The following SLC9A9 variants were observed in gnomAD, a reference collection of about 807,000 sequenced individuals.
SLC9A9 encodes sodium/hydrogen exchanger 9.
In SLC9A9, 62 loss-of-function variants were observed where a neutral mutation model predicts 77.8. The observed-to-expected ratio is 0.80, with a 90% CI of 0.65 to 0.98. The LOEUF is 0.98. SLC9A9 is among the 50% of genes least tolerant of loss of function. SLC9A9 has a pLI of 0.00. For missense variants in SLC9A9, 775 were observed against 774.9 expected (o/e 1.00, Z 0.00); for synonymous variants, 320 against 283.5 (o/e 1.13, Z -1.29).
intron 14 of SLC9A9, among the ~76,000 whole-genome samples, chr3:143,352,874 C>T (rs2032496443): frequency 6.6e-6 from 1 of 152,178 alleles, no homozygotes; most frequent in South Asian, 2.1e-4. Flanking sequence ...AGATCAGCTT[C>T]CATACAGCCA....
chr3:143,700,728 G>T (rs1025118950), intron 4 of SLC9A9, among the ~76,000 whole-genome samples: 72 of 152,210 alleles, frequency 4.7e-4, no homozygotes, highest in Admixed American at 4.7e-3. Context: ...CACATCCAGG[G>T]CTTAGGGGAA....
At chr3:143,633,566 G>T (rs2038463853) in intron 6 of SLC9A9, among the ~76,000 whole-genome samples, 1 of 151,618 alleles carries the variant, frequency 6.6e-6, no homozygotes, top group Non-Finnish European at 1.5e-5. Flanking sequence ...ACATTTTTTT[G>T]TTATTACAAT....
chr3:143,550,703 G>A (rs1477319038), intron 9 of SLC9A9, among the ~76,000 whole-genome samples: 2 of 152,180 alleles, frequency 1.3e-5, no homozygotes, highest in East Asian at 3.8e-4. Flanking sequence ...CGATAAAAAT[G>A]GCTGAAGCTT....
At chr3:143,406,959 G>A (rs2033993575) in intron 12 of SLC9A9, among the ~76,000 whole-genome samples, 2 of 124,740 alleles carry the variant, frequency 1.6e-5, no homozygotes, top group Middle Eastern at 0.013. Flanking sequence ...CTGGGCAACA[G>A]AGTGAAACTC....
rs374165867 is a variant in SLC9A9 at position 143,608,845 on chromosome 3, G to C, written c.756-30122C>G. On this transcript the variant is annotated intron_variant, in intron 6 of 15. Transcript: ENST00000316549. ...AATAGGGAGGAACAGGACTATGGCT[G>C]TTGCTATATTTTATTCTTTTAAAAA... 9.0e-4 allele frequency among the ~76,000 whole-genome samples: 137 copies of C among 152,260 alleles called. 4 individuals carry two copies. The South Asian group carries it at 0.028, about 31-fold the overall frequency.
rs189467674 is a variant in SLC9A9, at chr3:143,380,938, C to T, written c.1524+1122G>A. ...GAGGGATTCCCTTAGAATACAAATA[C>T]GCTCATAACACAATTCATTAAGCAA... On this transcript the variant is annotated intron_variant, in intron 13 of 15. Transcript: ENST00000316549. Among the ~76,000 whole-genome samples, 40 of 152,294 alleles carry T rather than the reference C, an allele frequency of 2.6e-4. 1 individual carries two copies. The Middle Eastern group carries it at 0.02, about 78-fold the overall frequency.
chr3:143,362,223 A>G (rs1036134414), intron 14 of SLC9A9, among the ~76,000 whole-genome samples: 5 of 152,202 alleles, frequency 3.3e-5, no homozygotes, highest in African/African-American at 1.2e-4. Flanking sequence ...GGTAACCTCC[A>G]TTTGTCCATA....
chr3:143,787,364 AT>A (rs2008085117), intron 4 of SLC9A9, among the ~76,000 whole-genome samples: 1 of 152,176 alleles, frequency 6.6e-6, no homozygotes, highest in Non-Finnish European at 1.5e-5. Flanking sequence ...ATTTGTCTTT[AT>A]TTGTTTCTTT....
chr3:143,334,384 C>T (rs1296980489), intron 14 of SLC9A9, among the ~76,000 whole-genome samples: 1 of 152,158 alleles, frequency 6.6e-6, no homozygotes. Flanking sequence ...AGCGGACATG[C>T]TGAAAAGTGA....
intron 8 of SLC9A9, among the ~76,000 whole-genome samples, chr3:143,563,442 T>C (rs936386880): frequency 3.3e-5 from 5 of 152,166 alleles, no homozygotes; most frequent in African/African-American, 4.8e-5. Context: ...CGTGCAATAC[T>C]GGGAGTCAGA....
At chr3:143,355,706 T>C (rs1489145399) in intron 14 of SLC9A9, among the ~76,000 whole-genome samples, 1 of 152,182 alleles carries the variant, frequency 6.6e-6, no homozygotes, top group East Asian at 1.9e-4. Context: ...GGGAATTTCT[T>C]TACAGGTGCA....
At chr3:143,598,839 T>A (rs995714235) in intron 6 of SLC9A9, among the ~76,000 whole-genome samples, 5 of 152,248 alleles carry the variant, frequency 3.3e-5, no homozygotes, top group African/African-American at 1.2e-4. Flanking sequence ...TGTGGTCTGG[T>A]AGGCACCAAT....
intron 9 of SLC9A9, among the ~76,000 whole-genome samples, chr3:143,520,608 C>A (rs2036280337): frequency 6.6e-6 from 1 of 152,182 alleles, no homozygotes; most frequent in Non-Finnish European, 1.5e-5. Flanking sequence ...TTAATTATCA[C>A]AATAATTCCA....
intron 6 of SLC9A9, among the ~76,000 whole-genome samples, chr3:143,597,424 G>A (rs1444051343): frequency 1.3e-5 from 2 of 152,180 alleles, no homozygotes; most frequent in East Asian, 1.9e-4. Context: ...TGCTCAAAGA[G>A]AGAAAGTTAA....
intron 2 of SLC9A9, among the ~76,000 whole-genome samples, chr3:143,808,353 C>T (rs559491600): frequency 2.0e-5 from 3 of 152,270 alleles, no homozygotes; most frequent in East Asian, 1.9e-4. Context: ...AAGCTGAAAA[C>T]GATGATCTGC....
chr3:143,550,362 A>G (rs1039517919), intron 9 of SLC9A9, among the ~76,000 whole-genome samples: 4 of 152,102 alleles, frequency 2.6e-5, no homozygotes, highest in Non-Finnish European at 5.9e-5. Flanking sequence ...ATTCAGTCCA[A>G]TTCTCCATCA....
chr3:143,835,874 T>G (rs746777727), intron 1 of SLC9A9, among the ~76,000 whole-genome samples: 3 of 152,188 alleles, frequency 2.0e-5, no homozygotes, highest in Non-Finnish European at 4.4e-5. Context: ...TGGCCCCAGG[T>G]TGAGGTTCCT....
At chr3:143,345,429 T>A (rs1390875340) in intron 14 of SLC9A9, among the ~76,000 whole-genome samples, 1 of 152,194 alleles carries the variant, frequency 6.6e-6, no homozygotes, top group Non-Finnish European at 1.5e-5. Flanking sequence ...TCATATATGT[T>A]GCTCAAAAGA....
At chr3:143,545,710 GCCCTCAGTATGA>G (rs2036777398) in intron 9 of SLC9A9, among the ~76,000 whole-genome samples, 1 of 152,188 alleles carries the variant, frequency 6.6e-6, no homozygotes, top group Non-Finnish European at 1.5e-5. Context: ...GAAGCATTCA[GCCCTCAGTATGA>G]AACTTTTCAC....
Sources: allele counts gnomAD v4.1 joint callset (sites outside exome capture counted in the v4.1 genomes callset), GRCh38; gene constraint gnomAD v4.1.1; transcripts MANE v1.5; gene names NCBI Gene and HGNC (gene_info 2026-07-23, HGNC 2026-07-21).